The following LEF1 variants were observed in gnomAD, a reference collection of about 807,000 sequenced individuals.
LEF1 encodes lymphoid enhancer-binding factor 1.
A neutral mutation model predicts 51.2 loss-of-function variants in LEF1; 14 were observed. The observed-to-expected ratio is 0.27, with a 90% CI of 0.18 to 0.43. The LOEUF is 0.43. Among genes scored for constraint, LEF1 ranks in the 20% least tolerant of loss-of-function variants. The probability of loss-of-function intolerance (pLI) is 1.00; values close to 1 mark genes in which losing one functional copy is unlikely to be tolerated. For missense variants in LEF1, 386 were observed against 512.0 expected (o/e 0.75, Z 2.37); for synonymous variants, 185 against 183.2 (o/e 1.01, Z -0.08).
At chr4:108,096,030 T>C (rs1740371552) in intron 3 of LEF1, among the ~76,000 whole-genome samples, 1 of 152,128 alleles carries the variant, frequency 6.6e-6, no homozygotes, top group Non-Finnish European at 1.5e-5. Flanking sequence ...TTGAAGAAAA[T>C]ACTTTGAAAA....
intron 3 of LEF1, among the ~76,000 whole-genome samples, chr4:108,150,179 C>T (rs1019434259): frequency 6.6e-6 from 1 of 152,208 alleles, no homozygotes; most frequent in Non-Finnish European, 1.5e-5. Flanking sequence ...GAAGCACATA[C>T]CACATTTTAA....
At chr4:108,130,837 C>T (rs931211689) in intron 3 of LEF1, among the ~76,000 whole-genome samples, 1 of 151,914 alleles carries the variant, frequency 6.6e-6, no homozygotes, top group Admixed American at 6.6e-5. Context: ...ACTCCACTAA[C>T]AAGTGAAGAA....
chr4:108,167,198 C>G lies in LEF1; in HGVS notation c.213+357G>C, dbSNP rs951069364. 1.3e-5 allele frequency among the ~76,000 whole-genome samples: 2 copies of G among 152,142 alleles called. No individual in the cohort carries two copies. The highest frequency in any genetic ancestry group is 4.8e-5 in the African/African-American group (2 of 41,402). ...GAATTTATCAGTAGCGTTATTCAGC[C>G]CTACTCGCTTTAAAGCACGGCACCC... On this transcript the variant is annotated intron_variant, in intron 1 of 11. Coordinates refer to ENST00000265165, the MANE Select transcript of LEF1 (RefSeq NM_016269.5). This position sits in a 1 kb window ranked among gnomAD's most constrained non-coding sequence, Gnocchi z 5.7.
intron 8 of LEF1, chr4:108,072,034 C>A (rs1003420102): frequency 2.0e-5 from 3 of 152,286 alleles, no homozygotes; most frequent in Non-Finnish European, 4.4e-5. Context: ...CAGCTGGGAG[C>A]CTCCCTGCTC....
intron 3 of LEF1, among the ~76,000 whole-genome samples, chr4:108,099,595 T>C (rs1443835800): frequency 7.8e-6 from 1 of 128,962 alleles, no homozygotes; most frequent in African/African-American, 2.8e-5. Flanking sequence ...TATATATATA[T>C]ATATATATAT....
Position 108,167,637 on chromosome 4 carries a change from G to A in LEF1, c.131C>T (p.Pro44Leu), listed in dbSNP as rs1189976183. 6.2e-7 allele frequency: 1 copy of A among 1,614,220 alleles called. No individual in the cohort carries two copies. Among genetic ancestry groups the A allele is most frequent in the South Asian group, 1.1e-5 (1 of 91,088 alleles). The change falls in exon 1 of 12, where the codon CCC (proline) becomes CTC (leucine). Residue 44 changes from proline to leucine, a missense_variant. By Grantham distance (98) the Pro-to-Leu change is moderately conservative. Around this residue, in one of 2 missense-constraint regions of LEF1, gnomAD observed 335 missense variants for 390.7 expected, o/e 0.86. Transcript: ENST00000265165. The surrounding 1 kb of genome is among the most constrained non-coding windows in gnomAD (Gnocchi z 5.7). ...KEKIFAEISH[P>L]EEEGDLADIK... ...GTCAGCTAAATCGCCTTCCTCTTCG[G>A]GATGACTGATCTCGGCGAAGATCTT...
At chr4:108,116,000 T>A (rs971431108) in intron 3 of LEF1, among the ~76,000 whole-genome samples, 8 of 152,098 alleles carry the variant, frequency 5.3e-5, no homozygotes, top group South Asian at 2.1e-4. Flanking sequence ...ACAATTGAGG[T>A]CCCTGACAAT....
At chr4:108,116,172 G>C (rs1741829929) in intron 3 of LEF1, among the ~76,000 whole-genome samples, 1 of 152,106 alleles carries the variant, frequency 6.6e-6, no homozygotes, top group South Asian at 2.1e-4. Flanking sequence ...CAGTGAAAAG[G>C]GCAGGGGGAC....
At chr4:108,154,352 T>C (rs552749799) in intron 3 of LEF1, among the ~76,000 whole-genome samples, 1 of 143,634 alleles carries the variant, frequency 7.0e-6, no homozygotes, top group East Asian at 2.1e-4. Context: ...ACACCGGGAG[T>C]ATAACACTCA....
intron 3 of LEF1, among the ~76,000 whole-genome samples, chr4:108,123,562 C>T (rs769000698): frequency 2.0e-5 from 3 of 149,002 alleles, no homozygotes; most frequent in Non-Finnish European, 4.4e-5. Flanking sequence ...CCATTTACTG[C>T]TTTCTGAGTA....
At chr4:108,155,840 A>G (rs1744663254) in intron 3 of LEF1, among the ~76,000 whole-genome samples, 1 of 152,222 alleles carries the variant, frequency 6.6e-6, no homozygotes, top group South Asian at 2.1e-4. Flanking sequence ...TAGCCATCAT[A>G]GGGCACTGCC....
intron 3 of LEF1, among the ~76,000 whole-genome samples, chr4:108,131,388 T>TA (rs34472924): frequency 0.02 from 2,787 of 139,198 alleles, 27 homozygotes; most frequent in African/African-American, 0.026. Context: ...ACCCTATCTC[T>TA]AAAAAAAAAA....
rs1031147748 is a variant in LEF1, at chr4:108,059,239, C to T, written c.*6+4384G>A. On this transcript the variant is annotated intron_variant, in intron 11 of 11. Coordinates refer to ENST00000265165, the MANE Select transcript of LEF1 (RefSeq NM_016269.5). ...GCACTGATTCAGGAGCCAGCCTCTC[C>T]GCTGGGCTGCATGCGGCCACTGCGC... 1.9e-4 allele frequency among the ~76,000 whole-genome samples: 29 copies of T among 152,242 alleles called. 1 individual carries two copies. The highest frequency in any genetic ancestry group is 6.5e-4 in the African/African-American group (27 of 41,466).
chr4:108,155,374 G>T (rs776253803), intron 3 of LEF1, among the ~76,000 whole-genome samples: 1 of 152,156 alleles, frequency 6.6e-6, no homozygotes, highest in South Asian at 2.1e-4. Flanking sequence ...CAAGGAAAGC[G>T]AGCCCAAGAG....
chr4:108,056,018 C>T (rs1737285159), intron 11 of LEF1, among the ~76,000 whole-genome samples: 1 of 152,186 alleles, frequency 6.6e-6, no homozygotes, highest in Non-Finnish European at 1.5e-5. Context: ...TCCATTATCC[C>T]AACTCCAACA....
intron 1 of LEF1, chr4:108,166,191 G>A (rs1745378235): frequency 1.4e-6 from 2 of 1,427,980 alleles, no homozygotes; most frequent in South Asian, 1.4e-5. Context: ...CCCCCAGCCC[G>A]CTCAAACTGG....
intron 3 of LEF1, among the ~76,000 whole-genome samples, chr4:108,105,131 A>G (rs1460067233): frequency 6.6e-6 from 1 of 152,032 alleles, no homozygotes; most frequent in Non-Finnish European, 1.5e-5. Flanking sequence ...CGTTTTTCCT[A>G]CATTTAAAAA....
intron 8 of LEF1, among the ~76,000 whole-genome samples, chr4:108,075,159 G>A (rs1432185548): frequency 1.3e-5 from 2 of 152,116 alleles, no homozygotes; most frequent in Admixed American, 1.3e-4. Flanking sequence ...AGGGAGATAG[G>A]GCATTGTACA....
At chr4:108,106,756 A>T (rs1039385848) in intron 3 of LEF1, among the ~76,000 whole-genome samples, 5 of 152,166 alleles carry the variant, frequency 3.3e-5, no homozygotes, top group South Asian at 2.1e-4. Flanking sequence ...AATACAAATT[A>T]TTTTTCCAAA....
Sources: allele counts gnomAD v4.1 joint callset (sites outside exome capture counted in the v4.1 genomes callset), GRCh38; gene constraint gnomAD v4.1.1; regional missense constraint gnomAD v4.1.1; non-coding constraint Gnocchi (gnomAD v3.1); transcripts MANE v1.5; gene names NCBI Gene and HGNC (gene_info 2026-07-23, HGNC 2026-07-21).